Variants in AP5M1 observed in about 807,000 individuals in gnomAD.
The protein encoded by AP5M1 is adaptor related protein complex 5 subunit mu 1, also known as AP-5 complex subunit mu-1.
AP5M1 carries 44 observed loss-of-function variants against 52.3 expected under a neutral mutation model. That is an observed-to-expected ratio of 0.84 (90% CI 0.66 to 1.08). The LOEUF is 1.08. Ranked by LOEUF, AP5M1 falls within the 50% of genes least tolerant of loss-of-function variation. The pLI is 0.00. For synonymous variants in AP5M1, 213 were observed against 199.0 expected, an observed-to-expected ratio of 1.07 and a Z score of -0.59; for missense variants, 526 against 568.4, an observed-to-expected ratio of 0.93 and a Z score of 0.76.
chr14:57,276,167 C>T (rs1215696563), intron 2 of AP5M1, among the ~76,000 whole-genome samples: 1 of 151,958 alleles, frequency 6.6e-6, no homozygotes, highest in Non-Finnish European at 1.5e-5. Context: ...CAGTTACTCA[C>T]TTTATTAGAA....
intron 7 of AP5M1, 145 bp downstream of exon 7, chr14:57,286,464 AAC>A (rs773365840): frequency 4.2e-5 from 26 of 615,542 alleles, no homozygotes; most frequent in Non-Finnish European, 6.9e-5. Flanking sequence ...TACCCCACAT[AAC>A]AGTTTGTGTA....
rs187756023 is a variant in AP5M1, at chr14:57,293,088, G to T, written c.*4204G>T. 45 of 151,458 alleles carry T rather than the reference G, an allele frequency of 3.0e-4. No homozygotes were observed. Among genetic ancestry groups the T allele is most frequent in the African/African-American group, 9.7e-4 (40 of 41,366 alleles). The allele number at this position is 151,458 out of a possible 1,614,324, so 9.4% of individuals were successfully genotyped here. On this transcript the variant is annotated 3_prime_UTR_variant, in exon 8 of 8. Coordinates refer to ENST00000261558, the MANE Select transcript of AP5M1 (RefSeq NM_018229.4). Reference sequence around the variant, plus strand: ...ATTTTAAATTTTGAAATATTATATGGAATTTTGCACAGTATTTTGAGAAAG... The same window carrying T: ...ATTTTAAATTTTGAAATATTATATGTAATTTTGCACAGTATTTTGAGAAAG...
At chr14:57,283,992 CA>C (rs1031449244) in intron 6 of AP5M1, among the ~76,000 whole-genome samples, 2 of 152,010 alleles carry the variant, frequency 1.3e-5, no homozygotes, top group African/African-American at 2.4e-5. Context: ...GTCTCAAAAA[CA>C]AAAAAATTGA....
chr14:57,296,632 A>C lies in AP5M1; in HGVS notation c.*7748A>C, dbSNP rs1360065530. The C allele has an allele frequency of 1.3e-5, 2 of 152,104 alleles. No individual in the cohort carries two copies. The highest frequency in any genetic ancestry group is 2.9e-5 in the Non-Finnish European group (2 of 67,974). 9.4% of individuals were successfully genotyped at this position (152,104 alleles called of 1,614,324 possible). ...AAAAGGACTTTTTAATATGAATAAC[A>C]GTGGTCTCGTGCCATAAGTATTTCT... On this transcript the variant is annotated 3_prime_UTR_variant, in exon 8 of 8. Transcript: ENST00000261558.
At chr14:57,280,525 T>G in intron 3 of AP5M1, 103 bp downstream of exon 3, 1 of 803,440 alleles carries the variant, frequency 1.2e-6, no homozygotes, top group Non-Finnish European at 2.0e-6. Flanking sequence ...TAGAAAAAGT[T>G]CTATTTATCA....
Position 57,298,321 on chromosome 14 carries a change from T to G in AP5M1, c.*9437T>G, listed in dbSNP as rs1885593377. The G allele has an allele frequency of 6.6e-6, 1 of 152,172 alleles. No individual in the cohort carries two copies. Among genetic ancestry groups the G allele is most frequent in the African/African-American group, 2.4e-5 (1 of 41,448 alleles). The allele number at this position is 152,172 out of a possible 1,614,324, so 9.4% of individuals were successfully genotyped here. ...AGTTCCAAGTGATTATTTAGAACATTTCCATTAACCATAAAGGCAAAGTGG... is the reference window on the plus strand; with the variant it reads ...AGTTCCAAGTGATTATTTAGAACATGTCCATTAACCATAAAGGCAAAGTGG... On this transcript the variant is annotated 3_prime_UTR_variant, in exon 8 of 8. Transcript: ENST00000261558.
chr14:57,288,226 A>G (rs1885354331), intron 7 of AP5M1, among the ~76,000 whole-genome samples: 1 of 151,776 alleles, frequency 6.6e-6, no homozygotes, highest in African/African-American at 2.4e-5. Context: ...GTAACTCCAA[A>G]TGAACATTAT....
intron 1 of AP5M1, chr14:57,273,614 C>A: frequency 1.6e-6 from 1 of 626,734 alleles, no homozygotes. Flanking sequence ...TATGCAAAAA[C>A]ATTCTGATTT....
rs752184587 is a variant in AP5M1 at position 57,280,151 on chromosome 14, TTGC to T, written c.721-42_721-40del. 4 of 1,441,012 alleles carry T rather than the reference TTGC, an allele frequency of 2.8e-6. No homozygotes were observed. The South Asian group carries it at 4.6e-5, about 17-fold the overall frequency. The allele number at this position is 1,441,012 out of a possible 1,614,324, so 89.3% of individuals were successfully genotyped here. ...ATTTTGAAAAGCCTCAAACAGACAT[TTGC>T]TTCTGAGATTTTGGTGATAATCTTT... On this transcript the variant is annotated intron_variant, in intron 2 of 7. Transcript: ENST00000261558.
At chr14:57,269,419 TGG>T in intron 1 of AP5M1, 31 bp downstream of exon 1, 1 of 1,607,646 alleles carries the variant, frequency 6.2e-7, no homozygotes, top group South Asian at 1.1e-5. Flanking sequence ...TCAGGGATGA[TGG>T]ATCAGAAGAT....
chr14:57,272,053 G>C (rs1189897), intron 1 of AP5M1, among the ~76,000 whole-genome samples: 24,909 of 152,106 alleles, frequency 0.16, 4,231 homozygotes, highest in African/African-American at 0.44. Flanking sequence ...ATTTCATAGA[G>C]GTGAACTTTT....
In AP5M1 at chr14:57,295,096, A is replaced by G. The variant is rs1447044550; in HGVS notation, c.*6212A>G. 1 of 151,908 alleles carries G rather than the reference A, an allele frequency of 6.6e-6. No individual in the cohort carries two copies. Among genetic ancestry groups the G allele is most frequent in the Non-Finnish European group, 1.5e-5 (1 of 67,874 alleles). The allele number at this position is 151,908 out of a possible 1,614,324, so 9.4% of individuals were successfully genotyped here. A position where few individuals can be genotyped will look rare whatever the true frequency, so the allele number is the denominator to read the frequency against. On this transcript the variant is annotated 3_prime_UTR_variant, in exon 8 of 8. Transcript: ENST00000261558. The stretch of plus-strand genomic sequence containing the variant: ...TGGAAATACGTGAGTTGTTCATTTC[A>G]GTACACCCATAGTTTCTCAACAGGT...
rs1884979909 is a variant in AP5M1 at position 57,274,763 on chromosome 14, G to C, written c.594G>C (p.Trp198Cys). The C allele has an allele frequency of 1.9e-6, 3 of 1,614,006 alleles. No homozygotes were observed. The African/African-American group carries it at 4.0e-5, about 22-fold the overall frequency. Reference sequence around the variant, plus strand: ...CTCAGCCACAGAAACAGCCAGCTTGGAAAACTGGGACGTACAAAGGAAAAC... The same window carrying C: ...CTCAGCCACAGAAACAGCCAGCTTGCAAAACTGGGACGTACAAAGGAAAAC... Reference protein sequence around the residue: ...SVTQPQKQPAWKTGTYKGKPQ... With the variant: ...SVTQPQKQPACKTGTYKGKPQ... The change falls in exon 2 of 8, where the codon TGG becomes TGC. Residue 198 changes from tryptophan (W) to cysteine (C), a missense_variant. Trp to Cys is a radical substitution (Grantham distance 215). Transcript: ENST00000261558.
chr14:57,269,054 G>C lies in AP5M1; in HGVS notation c.-261G>C, dbSNP rs985219986. The C allele has an allele frequency of 7.2e-6, 4 of 559,042 alleles. No homozygotes were observed. The highest frequency in any genetic ancestry group is 6.1e-5 in the East Asian group (2 of 32,746). 34.6% of individuals were successfully genotyped at this position (559,042 alleles called of 1,614,324 possible). ...TAGAATTTAGAGGAAGAAAATACCG[G>C]AGTTGCAGGGTATAGGTAAATTTCT... On this transcript the variant is annotated 5_prime_UTR_variant, in exon 1 of 8. Coordinates refer to ENST00000261558, the MANE Select transcript of AP5M1 (RefSeq NM_018229.4).
intron 6 of AP5M1, among the ~76,000 whole-genome samples, chr14:57,283,803 T>C (rs1029807222): frequency 2.6e-5 from 4 of 152,078 alleles, no homozygotes; most frequent in Admixed American, 2.6e-4. Flanking sequence ...CTGGCCAACA[T>C]GGTGAGACCC....
intron 2 of AP5M1, among the ~76,000 whole-genome samples, chr14:57,275,992 A>G (rs1262698408): frequency 6.6e-6 from 1 of 152,174 alleles, no homozygotes; most frequent in Non-Finnish European, 1.5e-5. Context: ...GTGGCTATGT[A>G]TAAATATTAT....
chr14:57,275,467 A>G (rs1190750845), intron 2 of AP5M1: 3 of 151,976 alleles, frequency 2.0e-5, no homozygotes, highest in African/African-American at 4.9e-5. Context: ...AGAGAAGAGA[A>G]AAGAGAGAGG....
Position 57,280,347 on chromosome 14 carries a change from T to C in AP5M1, c.873T>C (p.Ser291=), listed in dbSNP as rs373873973. 73 of 1,614,110 alleles carry C rather than the reference T, an allele frequency of 4.5e-5. No homozygotes were observed. Among genetic ancestry groups the C allele is most frequent in the South Asian group, 3.8e-4 (35 of 91,090 alleles). The change falls in exon 3 of 8, where the codon TCT becomes TCC. Residue 291 remains serine, a synonymous_variant. Transcript: ENST00000261558. The part of the protein sequence containing the change: ...TSSSIDAMDD[S]AFSGPYKFPF... Reference sequence around the variant, plus strand: ...GTAGTATTGATGCAATGGATGACTCTGCATTTAGTGGGCCTTACAAATTTC... The same window carrying C: ...GTAGTATTGATGCAATGGATGACTCCGCATTTAGTGGGCCTTACAAATTTC...
chr14:57,272,429 T>C (rs573845562), intron 1 of AP5M1, among the ~76,000 whole-genome samples: 26 of 152,360 alleles, frequency 1.7e-4, no homozygotes, highest in South Asian at 1.0e-3. Context: ...TTTAAAGGTT[T>C]GCTTTCCAGA....
Sources: allele counts gnomAD v4.1 joint callset (sites outside exome capture counted in the v4.1 genomes callset), GRCh38; gene constraint gnomAD v4.1.1; transcripts MANE v1.5; gene names NCBI Gene and HGNC (gene_info 2026-07-23, HGNC 2026-07-21).